Variants in TAFA2 observed in about 807,000 individuals in gnomAD.
TAFA2 encodes the protein TAFA chemokine like family member 2.
A neutral mutation model predicts 18.8 loss-of-function variants in TAFA2; 7 were observed. That is an observed-to-expected ratio of 0.37 (90% CI 0.21 to 0.70). TAFA2 has a LOEUF of 0.70. Among genes scored for constraint, TAFA2 ranks in the 30% least tolerant of loss-of-function variants. The pLI, the probability that TAFA2 is intolerant of heterozygous loss-of-function variation, is 0.53. For synonymous variants in TAFA2, 60 were observed against 54.2 expected, an observed-to-expected ratio of 1.11 and a Z score of -0.47; for missense variants, 122 against 158.1, an observed-to-expected ratio of 0.77 and a Z score of 1.23.
chr12:61,828,636 G>A (rs543704941), intron 2 of TAFA2, among the ~76,000 whole-genome samples: 1 of 151,892 alleles, frequency 6.6e-6, no homozygotes, highest in East Asian at 1.9e-4. Flanking sequence ...GTTTTACCAA[G>A]ATTACCAATA....
At chr12:62,109,301 A>G (rs1311325841) in intron 1 of TAFA2, among the ~76,000 whole-genome samples, 1 of 151,942 alleles carries the variant, frequency 6.6e-6, no homozygotes, top group Non-Finnish European at 1.5e-5. Flanking sequence ...GATGTGTAGC[A>G]TTATTTCTGA....
intron 1 of TAFA2, among the ~76,000 whole-genome samples, chr12:62,245,337 C>A (rs2062879999): frequency 1.3e-5 from 2 of 151,824 alleles, no homozygotes; most frequent in African/African-American, 4.8e-5. Flanking sequence ...TCCCTTTGTC[C>A]ATCCCTTACT....
intron 1 of TAFA2, among the ~76,000 whole-genome samples, chr12:62,179,599 C>T (rs1396282864): frequency 1.3e-5 from 2 of 152,156 alleles, no homozygotes; most frequent in African/African-American, 2.4e-5. Context: ...GCAGGACACT[C>T]GGTTTGGCTC....
Position 62,192,255 on chromosome 12 carries a change from G to T in TAFA2, c.-998C>A. On this transcript the variant is annotated 5_prime_UTR_variant, in exon 1 of 5. Transcript: ENST00000416284. ...ACCCGCTGCCCTTCTAGGCATCGTG[G>T]GCTGGAAGGAAGGGAAACCCGCCGA... 6.6e-6 allele frequency: 1 copy of T among 152,300 alleles called. No individual in the cohort carries two copies. The highest frequency in any genetic ancestry group is 1.9e-4 in the East Asian group (1 of 5,162). 9.4% of individuals were successfully genotyped at this position (152,300 alleles called of 1,614,324 possible).
chr12:62,202,410 G>A (rs1209795985), intron 1 of TAFA2, among the ~76,000 whole-genome samples: 1 of 151,130 alleles, frequency 6.6e-6, no homozygotes, highest in East Asian at 1.9e-4. Flanking sequence ...GCAATGATAC[G>A]ATCTTGGCTC....
intron 2 of TAFA2, among the ~76,000 whole-genome samples, chr12:61,851,013 C>T (rs1356967199): frequency 6.6e-6 from 1 of 152,088 alleles, no homozygotes; most frequent in East Asian, 1.9e-4. Flanking sequence ...TAAACTTCAG[C>T]ATATTTAAAG....
chr12:61,792,834 C>T (rs914648755), intron 2 of TAFA2, among the ~76,000 whole-genome samples: 1 of 151,268 alleles, frequency 6.6e-6, no homozygotes, highest in Admixed American at 6.6e-5. Flanking sequence ...AGATTAAACA[C>T]CTCTATCTTT....
At chr12:61,944,996 C>A (rs1231098271) in intron 1 of TAFA2, among the ~76,000 whole-genome samples, 3 of 150,618 alleles carry the variant, frequency 2.0e-5, no homozygotes, top group Non-Finnish European at 4.4e-5. Context: ...GGCAGAGACA[C>A]AACCAAAAAA....
intron 2 of TAFA2, among the ~76,000 whole-genome samples, chr12:61,784,183 C>G (rs1173549869): frequency 6.6e-6 from 1 of 151,526 alleles, no homozygotes; most frequent in Non-Finnish European, 1.5e-5. Context: ...TAAGACCCCT[C>G]TTTACAAAAA....
At chr12:62,171,990 A>T (rs2136941863) in intron 1 of TAFA2, among the ~76,000 whole-genome samples, 1 of 152,286 alleles carries the variant, frequency 6.6e-6, no homozygotes, top group East Asian at 1.9e-4. Context: ...TTCATGGAGG[A>T]TTAGGAAAAT....
chr12:62,193,406 G>A (rs79381259), upstream of TAFA2, among the ~76,000 whole-genome samples: 9,779 of 152,144 alleles, frequency 0.064, 529 homozygotes, highest in Non-Finnish European at 0.088. Context: ...AGCTCTAAAG[G>A]TCTGTGCTTT....
At chr12:61,963,404 G>C (rs1878957694) in intron 1 of TAFA2, among the ~76,000 whole-genome samples, 1 of 151,914 alleles carries the variant, frequency 6.6e-6, no homozygotes, top group South Asian at 2.1e-4. Flanking sequence ...GGCATTAGAT[G>C]GTATCTCATT....
intron 1 of TAFA2, among the ~76,000 whole-genome samples, chr12:61,896,105 A>T (rs1333302870): frequency 6.6e-6 from 1 of 152,272 alleles, no homozygotes; most frequent in Non-Finnish European, 1.5e-5. Context: ...CAACTACCAA[A>T]GGGTGATGGG....
chr12:62,255,400 G>A lies in TAFA2; in HGVS notation c.-130+3363C>T, dbSNP rs2062933390. 2.0e-5 allele frequency: 3 copies of A among 152,234 alleles called. No individual in the cohort carries two copies. In the South Asian group the frequency reaches 6.2e-4, roughly 32 times the overall value. The allele number at this position is 152,234 out of a possible 1,614,324, so 9.4% of individuals were successfully genotyped here. ...CTTGATTTTATCTATATCACTCTTA[G>A]TTGAATGGGATAAATTAACACTTTC... is the stretch of plus-strand genomic sequence containing the variant. On this transcript the variant is annotated intron_variant, in intron 1 of 5. Coordinates refer to the TAFA2 transcript ENST00000551619.
intron 2 of TAFA2, among the ~76,000 whole-genome samples, chr12:61,800,725 GAGA>G (rs775802161): frequency 6.6e-6 from 1 of 152,142 alleles, no homozygotes; most frequent in Non-Finnish European, 1.5e-5. Flanking sequence ...AGATAGCTTG[GAGA>G]AGGAGATAGG....
At chr12:61,765,826 C>A (rs1869765290) in intron 2 of TAFA2, among the ~76,000 whole-genome samples, 1 of 151,788 alleles carries the variant, frequency 6.6e-6, no homozygotes, top group Non-Finnish European at 1.5e-5. Flanking sequence ...AAAATAAAGT[C>A]CAAACTTGCC....
intron 1 of TAFA2, among the ~76,000 whole-genome samples, chr12:62,249,059 T>A (rs972027331): frequency 6.6e-6 from 1 of 151,992 alleles, no homozygotes; most frequent in South Asian, 2.1e-4. Flanking sequence ...GGTAATTGTT[T>A]AAAAATTTTT....
At chr12:61,967,329 G>A (rs1879102076) in intron 1 of TAFA2, among the ~76,000 whole-genome samples, 1 of 151,798 alleles carries the variant, frequency 6.6e-6, no homozygotes, top group African/African-American at 2.4e-5. Context: ...GACAGAGGCT[G>A]GGAATCATCC....
intron 1 of TAFA2, among the ~76,000 whole-genome samples, chr12:62,117,698 G>A (rs966922334): frequency 6.6e-6 from 1 of 151,960 alleles, no homozygotes; most frequent in Non-Finnish European, 1.5e-5. Context: ...TTATGTGATA[G>A]ACACAGATAA....
Sources: allele counts gnomAD v4.1 joint callset (sites outside exome capture counted in the v4.1 genomes callset), GRCh38; gene constraint gnomAD v4.1.1; transcripts MANE v1.5; gene names NCBI Gene and HGNC (gene_info 2026-07-23, HGNC 2026-07-21).